Variants in XYLT1 observed in about 807,000 individuals in gnomAD.
XYLT1 encodes the protein beta-D-xylosyltransferase 1.
A neutral mutation model predicts 91.3 loss-of-function variants in XYLT1; 36 were observed. That is an observed-to-expected ratio of 0.39 (90% CI 0.30 to 0.52). The LOEUF is 0.52. Among genes scored for constraint, XYLT1 ranks in the 20% least tolerant of loss-of-function variants. The pLI is 0.68. For missense variants in XYLT1, 1,242 were observed against 1,284.5 expected, an observed-to-expected ratio of 0.97 and a Z score of 0.51; for synonymous variants, 588 against 532.0, an observed-to-expected ratio of 1.11 and a Z score of -1.45.
intron 3 of XYLT1, among the ~76,000 whole-genome samples, chr16:17,255,380 G>A (rs1411288514): frequency 6.6e-6 from 1 of 152,098 alleles, no homozygotes; most frequent in African/African-American, 2.4e-5. Flanking sequence ...GCCCTATGAC[G>A]GATGGCAGAC....
intron 5 of XYLT1, among the ~76,000 whole-genome samples, chr16:17,166,388 G>T (rs1021953075): frequency 3.3e-5 from 5 of 152,172 alleles, no homozygotes; most frequent in African/African-American, 1.2e-4. Context: ...CATAGAAGGT[G>T]CTAAGTAAGT....
At chr16:17,311,483 T>C (rs2034548738) in intron 2 of XYLT1, among the ~76,000 whole-genome samples, 1 of 152,152 alleles carries the variant, frequency 6.6e-6, no homozygotes, top group Admixed American at 6.6e-5. Context: ...TTCTTTCCAT[T>C]TCCCATGTGA....
intron 1 of XYLT1, among the ~76,000 whole-genome samples, chr16:17,423,373 C>T (rs1172012446): frequency 6.6e-6 from 1 of 151,268 alleles, no homozygotes; most frequent in African/African-American, 2.5e-5. Flanking sequence ...CTGTGGCCTT[C>T]CAACAATGGC....
intron 6 of XYLT1, among the ~76,000 whole-genome samples, chr16:17,153,213 T>C (rs920282469): frequency 1.3e-5 from 2 of 152,182 alleles, no homozygotes; most frequent in Non-Finnish European, 2.9e-5. Flanking sequence ...AACAACTCTA[T>C]GGGATTGGTA....
At chr16:17,399,389 TGTGG>T in intron 1 of XYLT1, among the ~76,000 whole-genome samples, 1 of 151,986 alleles carries the variant, frequency 6.6e-6, no homozygotes, top group South Asian at 2.1e-4. Context: ...AGGGAAGGGG[TGTGG>T]ACAACTCCAG....
intron 3 of XYLT1, among the ~76,000 whole-genome samples, chr16:17,212,482 C>T (rs183654490): frequency 2.0e-5 from 3 of 152,240 alleles, no homozygotes; most frequent in Non-Finnish European, 4.4e-5. Context: ...TTTTAAAAAA[C>T]GCATCTCTCG....
chr16:17,305,842 C>T (rs1326929420), intron 2 of XYLT1, among the ~76,000 whole-genome samples: 1 of 152,186 alleles, frequency 6.6e-6, no homozygotes, highest in Non-Finnish European at 1.5e-5. Flanking sequence ...TAGAAACAGT[C>T]AGTCCTGTGT....
At chr16:17,369,195 T>A (rs1185280255) in intron 1 of XYLT1, among the ~76,000 whole-genome samples, 1 of 150,494 alleles carries the variant, frequency 6.6e-6, no homozygotes, top group African/African-American at 2.4e-5. Flanking sequence ...AGTGGCGTGA[T>A]CTCGGCTCAC....
intron 1 of XYLT1, among the ~76,000 whole-genome samples, chr16:17,410,462 T>C (rs1401110568): frequency 6.6e-6 from 1 of 152,100 alleles, no homozygotes; most frequent in Non-Finnish European, 1.5e-5. Flanking sequence ...GAAATTTCCC[T>C]TTTCAAAACC....
chr16:17,196,717 C>G (rs2032432862), intron 5 of XYLT1, among the ~76,000 whole-genome samples: 1 of 152,140 alleles, frequency 6.6e-6, no homozygotes, highest in Non-Finnish European at 1.5e-5. Flanking sequence ...CTTTCCTTTT[C>G]ACCCTTGTCA....
chr16:17,124,653 T>G (rs905748289), intron 10 of XYLT1, among the ~76,000 whole-genome samples: 69 of 152,256 alleles, frequency 4.5e-4, no homozygotes, highest in African/African-American at 1.5e-3. Flanking sequence ...TCTAGATCTC[T>G]AGCAAGGCTG....
chr16:17,186,097 AT>A (rs1279809151), intron 5 of XYLT1, among the ~76,000 whole-genome samples: 3 of 151,956 alleles, frequency 2.0e-5, no homozygotes, highest in African/African-American at 7.2e-5. Flanking sequence ...GGAACTCTAG[AT>A]TTCTTTTTTA....
At chr16:17,333,282 C>A (rs1388870816) in intron 2 of XYLT1, among the ~76,000 whole-genome samples, 1 of 152,130 alleles carries the variant, frequency 6.6e-6, no homozygotes, top group African/African-American at 2.4e-5. Context: ...TAAATATTGT[C>A]ATTTCATCAT....
intron 6 of XYLT1, among the ~76,000 whole-genome samples, chr16:17,157,907 C>A (rs1232666865): frequency 6.6e-6 from 1 of 152,196 alleles, no homozygotes; most frequent in Non-Finnish European, 1.5e-5. Context: ...TGCCACCACA[C>A]CTGGCTAATT....
chr16:17,138,188 C>A, intron 8 of XYLT1, 167 bp downstream of exon 8: 1 of 751,424 alleles, frequency 1.3e-6, no homozygotes, highest in Non-Finnish European at 2.1e-6. Context: ...GAAGTAAGTG[C>A]TCAATAAACA....
chr16:17,145,050 A>T (rs1038216513), intron 6 of XYLT1, among the ~76,000 whole-genome samples: 1 of 152,248 alleles, frequency 6.6e-6, no homozygotes, highest in Non-Finnish European at 1.5e-5. Flanking sequence ...AGCCCCTGAT[A>T]ACCATCAGTC....
chr16:17,137,462 G>A (rs1244903647), intron 8 of XYLT1: 6 of 152,238 alleles, frequency 3.9e-5, no homozygotes, highest in Non-Finnish European at 7.3e-5. Context: ...AGTGACCTCA[G>A]AGTGATTCGC....
chr16:17,416,837 G>C (rs1410242810), intron 1 of XYLT1, among the ~76,000 whole-genome samples: 1 of 152,202 alleles, frequency 6.6e-6, no homozygotes, highest in Non-Finnish European at 1.5e-5. Context: ...AACTATCGGA[G>C]ATGTGGGGGA....
intron 1 of XYLT1, among the ~76,000 whole-genome samples, chr16:17,467,671 G>A (rs1018468327): frequency 1.3e-5 from 2 of 152,108 alleles, no homozygotes; most frequent in Non-Finnish European, 2.9e-5. Context: ...CCACCGAAGC[G>A]CAGCTCCCCA....
Sources: gnomAD v4.1 joint callset for allele counts (sites outside exome capture counted in the v4.1 genomes callset) on GRCh38, gnomAD v4.1.1 for gene constraint, MANE v1.5 for transcripts, NCBI Gene and HGNC (gene_info 2026-07-23, HGNC 2026-07-21) for gene names.